Variants in ESYT3 observed in about 807,000 individuals in gnomAD.
ESYT3 encodes the protein extended synaptotagmin 3.
In ESYT3, 101 loss-of-function variants were observed where a neutral mutation model predicts 111.5. The ratio of observed to expected loss-of-function variants is 0.91; its 90% CI spans 0.77 to 1.07. The LOEUF is 1.07. Among genes scored for constraint, ESYT3 ranks in the 50% least tolerant of loss-of-function variants. The pLI, the probability that ESYT3 is intolerant of heterozygous loss-of-function variation, is 0.00. For missense variants in ESYT3, 1,097 were observed against 1,109.4 expected, an observed-to-expected ratio of 0.99 and a Z score of 0.16; for synonymous variants, 416 against 446.8, an observed-to-expected ratio of 0.93 and a Z score of 0.87.
At position 138,477,821 on chromosome 3, in the gene ESYT3, C is replaced by A. The variant is rs1003243652; in HGVS notation, c.*967C>A. 5.9e-5 allele frequency: 9 copies of A among 152,204 alleles called. No homozygotes were observed. The highest frequency in any genetic ancestry group is 2.2e-4 in the African/African-American group (9 of 41,450). The allele number at this position is 152,204 out of a possible 1,614,324, so 9.4% of individuals were successfully genotyped here. A position where few individuals can be genotyped will look rare whatever the true frequency, so the allele number is the denominator to read the frequency against. The stretch of plus-strand genomic sequence containing the variant: ...TCTCATCCCCTCCAACATTCCTGGA[C>A]CTCCTCTTCTCTCTTACCAACACCA... On this transcript the variant is annotated 3_prime_UTR_variant, in exon 23 of 23. Transcript: ENST00000389567.
At chr3:138,480,764 TTGTG>T (rs982527705), downstream of ESYT3, 4 of 152,258 alleles carry the variant, frequency 2.6e-5, no homozygotes, top group African/African-American at 9.6e-5. Context: ...AATCAACAGG[TTGTG>T]TGTGTAACTT....
Position 138,434,812 on chromosome 3 carries a change from A to T in ESYT3, c.14A>T (p.Glu5Val). The change falls in exon 1 of 23, where the codon GAG becomes GTG. Residue 5 changes from glutamate (E) to valine (V), a missense_variant. Glu to Val is a moderately radical substitution (Grantham distance 121). Transcript: ENST00000389567. ...TGCGGCGACGAGATGCGAGCAGAGG[A>T]GCCCTGCGCCCCCGGGGCCCCCAGC... MRAE[E>V]PCAPGAPSAL... 6.4e-7 allele frequency: 1 copy of T among 1,560,112 alleles called. No individual in the cohort carries two copies. The highest frequency in any genetic ancestry group is 8.7e-7 in the Non-Finnish European group (1 of 1,155,410).
At chr3:138,468,410 G>A (rs1370750723) in intron 12 of ESYT3, among the ~76,000 whole-genome samples, 2 of 152,128 alleles carry the variant, frequency 1.3e-5, no homozygotes. Flanking sequence ...GGGGTCCTTA[G>A]AACTCTGTGT....
rs61361298 is a variant in ESYT3 at position 138,472,404 on chromosome 3, A to G, written c.1782A>G (p.Thr594=). 15,370 of 1,614,134 alleles carry G rather than the reference A, an allele frequency of 9.5e-3. 1,198 individuals carry two copies. In the African/African-American group the frequency reaches 0.18, roughly 18 times the overall value. The change falls in exon 18 of 23, where the codon ACA becomes ACG. Residue 594 remains threonine (T), a synonymous_variant. Transcript: ENST00000389567. Reference sequence around the variant, plus strand: ...AACGAGAGCTGGGGAGCCCATACACAGGACCTGAAGCCCTAAAGAAAGGCC... The same window carrying G: ...AACGAGAGCTGGGGAGCCCATACACGGGACCTGAAGCCCTAAAGAAAGGCC... ...VEERELGSPY[T]GPEALKKGPL...
intron 1 of ESYT3, among the ~76,000 whole-genome samples, chr3:138,449,331 C>T (rs1479258781): frequency 6.6e-6 from 1 of 152,052 alleles, no homozygotes; most frequent in Non-Finnish European, 1.5e-5. Flanking sequence ...AGTGATCCAC[C>T]TGCCTCGGCC....
At position 138,474,346 on chromosome 3, in the gene ESYT3, A is replaced by G. The variant is rs1395178699; in HGVS notation, c.2462A>G (p.Asp821Gly). 6.3e-7 allele frequency: 1 copy of G among 1,595,112 alleles called. No homozygotes were observed. The highest frequency in any genetic ancestry group is 8.5e-7 in the Non-Finnish European group (1 of 1,174,852). ...VKRKTLEPLFDETFEFFVPME... is the reference protein window; with the variant it reads ...VKRKTLEPLFGETFEFFVPME... ...CGGAAGACCTTGGAACCCCTGTTTG[A>G]TGAGACGTAAGTGGGCTGGTGGCCT... Residue 821 changes from aspartate (D) to glycine (G), a missense_variant, in exon 20 of 23, where the codon GAT (aspartate) becomes GGT (glycine). By Grantham distance (94) the Asp-to-Gly change is moderately conservative. Coordinates refer to ENST00000389567, the MANE Select transcript of ESYT3 (RefSeq NM_031913.5).
At chr3:138,439,975 T>A (rs1226296963) in intron 1 of ESYT3, among the ~76,000 whole-genome samples, 2 of 152,170 alleles carry the variant, frequency 1.3e-5, no homozygotes, top group African/African-American at 4.8e-5. Context: ...ATTGGAGTCA[T>A]TCATGGAGGG....
intron 1 of ESYT3, among the ~76,000 whole-genome samples, chr3:138,447,560 C>T (rs990682294): frequency 5.3e-5 from 8 of 151,884 alleles, no homozygotes; most frequent in Non-Finnish European, 8.8e-5. Flanking sequence ...AATGATATTC[C>T]CCAAACTCAT....
At chr3:138,470,824 T>G in intron 16 of ESYT3, 53 bp from the exon 17 acceptor site, 1 of 1,611,124 alleles carries the variant, frequency 6.2e-7, no homozygotes, top group Non-Finnish European at 8.5e-7. Context: ...ATACTAGTAG[T>G]GGAGTGGTGG....
At chr3:138,475,869 T>A (rs927247019) in intron 20 of ESYT3, among the ~76,000 whole-genome samples, 1 of 152,180 alleles carries the variant, frequency 6.6e-6, no homozygotes, top group Non-Finnish European at 1.5e-5. Context: ...GAGGTTGCGG[T>A]GAGCCAAGAT....
chr3:138,449,327 C>A (rs1025020368), intron 1 of ESYT3, among the ~76,000 whole-genome samples: 4 of 152,004 alleles, frequency 2.6e-5, no homozygotes, highest in African/African-American at 9.7e-5. Context: ...CTCAAGTGAT[C>A]CACCTGCCTC....
intron 1 of ESYT3, among the ~76,000 whole-genome samples, chr3:138,442,758 A>G (rs994134668): frequency 2.0e-5 from 3 of 152,252 alleles, no homozygotes; most frequent in Non-Finnish European, 2.9e-5. Flanking sequence ...TAAGGACTCA[A>G]TAGAAATCTG....
chr3:138,460,491 G>A (rs929974416), intron 6 of ESYT3, 120 bp from the exon 7 acceptor site: 11 of 1,124,736 alleles, frequency 9.8e-6, no homozygotes, highest in Admixed American at 7.2e-5. Flanking sequence ...GCTTTCCTCC[G>A]AACCCCCACC....
chr3:138,448,443 A>G (rs2031703638), intron 1 of ESYT3, among the ~76,000 whole-genome samples: 2 of 151,908 alleles, frequency 1.3e-5, no homozygotes, highest in Admixed American at 1.3e-4. Flanking sequence ...TTTTGAGTGA[A>G]GTAGATTCCC....
At chr3:138,463,314 C>G (rs1032544271) in intron 8 of ESYT3, among the ~76,000 whole-genome samples, 36 of 152,108 alleles carry the variant, frequency 2.4e-4, no homozygotes, top group Non-Finnish European at 5.0e-4. Context: ...AGGCTGGTCT[C>G]GAACTTCTGA....
chr3:138,465,528 G>A, intron 10 of ESYT3, 107 bp downstream of exon 10: 2 of 848,902 alleles, frequency 2.4e-6, no homozygotes, highest in Non-Finnish European at 3.7e-6. Context: ...ACCCGCTGTG[G>A]TCACCCTGAC....
chr3:138,442,847 A>C (rs1455505916), intron 1 of ESYT3, among the ~76,000 whole-genome samples: 1 of 152,180 alleles, frequency 6.6e-6, no homozygotes, highest in Non-Finnish European at 1.5e-5. Flanking sequence ...GATTCCTAGA[A>C]GTTTATGAAG....
intron 1 of ESYT3, among the ~76,000 whole-genome samples, chr3:138,444,443 G>A (rs548669598): frequency 6.6e-6 from 1 of 152,330 alleles, no homozygotes; most frequent in South Asian, 2.1e-4. Flanking sequence ...TGAGGATAGT[G>A]TACATGTTTT....
At chr3:138,470,208 A>C (rs2033148953) in intron 16 of ESYT3, 62 bp downstream of exon 16, 1 of 1,563,354 alleles carries the variant, frequency 6.4e-7, no homozygotes, top group Admixed American at 1.7e-5. Flanking sequence ...GCGGGCTGGG[A>C]AGCTTGAAGT....
Sources: gnomAD v4.1 joint callset for allele counts (sites outside exome capture counted in the v4.1 genomes callset) on GRCh38, gnomAD v4.1.1 for gene constraint, MANE v1.5 for transcripts, NCBI Gene and HGNC (gene_info 2026-07-23, HGNC 2026-07-21) for gene names.